FHIP1A: variants seen among roughly 807,000 people sequenced by gnomAD.
FHIP1A encodes the protein FHF complex subunit HOOK interacting protein 1A.
A neutral mutation model predicts 88.6 loss-of-function variants in FHIP1A; 61 were observed. That is an observed-to-expected ratio of 0.69 (90% CI 0.56 to 0.85). FHIP1A has a LOEUF of 0.85. Among genes scored for constraint, FHIP1A ranks in the 40% least tolerant of loss-of-function variants. FHIP1A has a pLI of 0.00. For synonymous variants in FHIP1A, 478 were observed against 496.0 expected (o/e 0.96, Z 0.48); for missense variants, 1,154 against 1,273.5 (o/e 0.91, Z 1.43).
intron 9 of FHIP1A, among the ~76,000 whole-genome samples, chr4:151,645,001 C>T (rs1736737060): frequency 1.3e-5 from 2 of 152,206 alleles, no homozygotes; most frequent in African/African-American, 4.8e-5. Flanking sequence ...TTATTTTCTG[C>T]CTGCAGCATT....
At chr4:151,506,599 A>T (rs553577023) in intron 3 of FHIP1A, among the ~76,000 whole-genome samples, 12 of 152,016 alleles carry the variant, frequency 7.9e-5, no homozygotes, top group Non-Finnish European at 1.5e-4. Flanking sequence ...CAAGAGAGAG[A>T]GGGGAGGGAG....
At position 151,649,542 on chromosome 4, in the gene FHIP1A, C is replaced by T. The variant is rs1278792819; in HGVS notation, c.1501C>T (p.Leu501=). The stretch of plus-strand genomic sequence containing the variant: ...TGGGAAAGCCCTGGACATCAGCTAC[C>T]TGCAGTACCTGTGGGAGGCCCACAC... The part of the protein sequence containing the change: ...EYGKALDISY[L]QYLWEAHTNI... The change falls in exon 11 of 14, where the codon CTG becomes TTG. Residue 501 remains leucine (L), a synonymous_variant. Coordinates refer to ENST00000435205, the MANE Select transcript of FHIP1A (RefSeq NM_001109977.3). 1.3e-6 allele frequency: 2 copies of T among 1,551,616 alleles called. No homozygotes were observed. The highest frequency in any genetic ancestry group is 1.2e-5 in the South Asian group (1 of 84,066).
At chr4:151,566,709 C>T (rs1401028346) in intron 4 of FHIP1A, among the ~76,000 whole-genome samples, 1 of 152,094 alleles carries the variant, frequency 6.6e-6, no homozygotes, top group African/African-American at 2.4e-5. Context: ...GATTTCCTTC[C>T]AGTTCTTAAG....
chr4:151,511,614 CG>C, intron 3 of FHIP1A, among the ~76,000 whole-genome samples: 1 of 152,352 alleles, frequency 6.6e-6, no homozygotes, highest in African/African-American at 2.4e-5. Flanking sequence ...GCTTAAAAAA[CG>C]GCGCACCAGG....
intron 3 of FHIP1A, among the ~76,000 whole-genome samples, chr4:151,526,510 A>ATGAGG (rs1731653398): frequency 2.4e-5 from 3 of 126,528 alleles, no homozygotes; most frequent in South Asian, 3.0e-4. Flanking sequence ...TCCCTCCCGG[A>ATGAGG]CGGGGCGGCC....
intron 3 of FHIP1A, among the ~76,000 whole-genome samples, chr4:151,494,454 T>C (rs1025061530): frequency 2.0e-5 from 3 of 152,212 alleles, no homozygotes; most frequent in Admixed American, 2.0e-4. Flanking sequence ...CTTGTTTTTG[T>C]CAACTTTGTT....
intron 4 of FHIP1A, among the ~76,000 whole-genome samples, chr4:151,573,749 G>T (rs190255989): frequency 1.2e-4 from 19 of 152,156 alleles, no homozygotes; most frequent in Middle Eastern, 3.4e-3. Context: ...GAAGGTAAAA[G>T]TTGGTATGTG....
chr4:151,479,562 A>C (rs1580614142), intron 2 of FHIP1A, among the ~76,000 whole-genome samples: 1 of 152,092 alleles, frequency 6.6e-6, no homozygotes, highest in South Asian at 2.1e-4. Context: ...GAATTGTTTG[A>C]AACTTCTCTC....
chr4:151,646,430 A>G lies in FHIP1A; in HGVS notation c.1227-128A>G. On this transcript the variant is annotated intron_variant, in intron 9 of 13. Coordinates refer to ENST00000435205, the MANE Select transcript of FHIP1A (RefSeq NM_001109977.3). ...GTGAACCCTGGTGGCTGGTGAGATGATCAATTGAGAGCTGAGAGAGGATGA... is the reference window on the plus strand; with the variant it reads ...GTGAACCCTGGTGGCTGGTGAGATGGTCAATTGAGAGCTGAGAGAGGATGA... 4.9e-6 allele frequency: 3 copies of G among 613,570 alleles called. No homozygotes were observed. In the South Asian group the frequency reaches 6.4e-5, roughly 13 times the overall value. The allele number at this position is 613,570 out of a possible 1,614,324, so 38.0% of individuals were successfully genotyped here. A position where few individuals can be genotyped will look rare whatever the true frequency, so the allele number is the denominator to read the frequency against.
At chr4:151,455,225 G>A (rs902534998) in intron 2 of FHIP1A, among the ~76,000 whole-genome samples, 17 of 152,162 alleles carry the variant, frequency 1.1e-4, no homozygotes, top group Admixed American at 3.9e-4. Context: ...AAAATTCACA[G>A]AAAATATAAT....
intron 2 of FHIP1A, among the ~76,000 whole-genome samples, chr4:151,467,830 G>T (rs1476235597): frequency 6.6e-6 from 1 of 152,016 alleles, no homozygotes; most frequent in African/African-American, 2.4e-5. Flanking sequence ...GACCTGTCAG[G>T]GGGTGGAGGG....
intron 6 of FHIP1A, 38 bp downstream of exon 6, chr4:151,586,837 T>C (rs1355595919): frequency 6.9e-7 from 1 of 1,459,660 alleles, no homozygotes; most frequent in Non-Finnish European, 9.3e-7. Flanking sequence ...TGCTATGGCT[T>C]CATTCAGAGC....
chr4:151,631,474 A>G (rs1736156246), intron 8 of FHIP1A, among the ~76,000 whole-genome samples: 1 of 152,174 alleles, frequency 6.6e-6, no homozygotes, highest in African/African-American at 2.4e-5. Flanking sequence ...ACTACTCACA[A>G]AGAAAAGCCC....
At chr4:151,512,678 G>T (rs1354188592) in intron 3 of FHIP1A, among the ~76,000 whole-genome samples, 1 of 152,216 alleles carries the variant, frequency 6.6e-6, no homozygotes, top group Non-Finnish European at 1.5e-5. Context: ...GAGCCGATGC[G>T]ATCAACTGGA....
intron 3 of FHIP1A, among the ~76,000 whole-genome samples, chr4:151,555,404 G>T (rs974029227): frequency 7.2e-5 from 11 of 151,908 alleles, no homozygotes; most frequent in Admixed American, 2.0e-4. Context: ...ATCCATTTTT[G>T]TTTCTTTCTC....
intron 7 of FHIP1A, among the ~76,000 whole-genome samples, chr4:151,600,434 C>G (rs1353128199): frequency 6.6e-6 from 1 of 152,154 alleles, no homozygotes; most frequent in Non-Finnish European, 1.5e-5. Flanking sequence ...TGTATTTAGT[C>G]AGGGCCCCAG....
At position 151,650,080 on chromosome 4, in the gene FHIP1A, A is replaced by T. The variant is rs1198769842; in HGVS notation, c.2039A>T (p.Asn680Ile). Residue 680 changes from asparagine (N) to isoleucine (I), a missense_variant, in exon 11 of 14, where the codon AAC becomes ATC. By Grantham distance (149) the Asn-to-Ile change is moderately radical. Transcript: ENST00000435205. ...AQAEVQSVPI[N>I]NGPLLSTQPE... ...GCTGAAGTTCAGAGTGTCCCCATCA[A>T]CAACGGCCCCCTCCTCAGCACCCAG... 7 of 1,551,700 alleles carry T rather than the reference A, an allele frequency of 4.5e-6. No homozygotes were observed. The African/African-American group carries it at 6.8e-5, about 15-fold the overall frequency.
rs562969848 is a variant in FHIP1A at position 151,660,453 on chromosome 4, A to C, written c.2870-2048A>C. ...AATGAATTTGAAGGAGAATGGGGAG[A>C]GGAATACGAGCAGCTGCAGGGAGAA... On this transcript the variant is annotated intron_variant, in intron 13 of 13. Transcript: ENST00000435205. Among the ~76,000 whole-genome samples the C allele has an allele frequency of 9.8e-5, 15 of 152,336 alleles. No individual in the cohort carries two copies. The East Asian group carries it at 2.7e-3, about 27-fold the overall frequency.
At chr4:151,453,913 A>C (rs924265242) in intron 1 of FHIP1A, among the ~76,000 whole-genome samples, 1 of 152,144 alleles carries the variant, frequency 6.6e-6, no homozygotes, top group African/African-American at 2.4e-5. Context: ...CAAAAACACC[A>C]AAAACCACGA....
Sources: allele counts gnomAD v4.1 joint callset (sites outside exome capture counted in the v4.1 genomes callset), GRCh38; gene constraint gnomAD v4.1.1; transcripts MANE v1.5; gene names NCBI Gene and HGNC (gene_info 2026-07-23, HGNC 2026-07-21).